The following LINGO2 variants were observed in gnomAD, a reference collection of about 807,000 sequenced individuals.
The protein encoded by LINGO2 is leucine-rich repeat and immunoglobulin-like domain-containing nogo receptor-interacting protein 2.
In LINGO2, 14 loss-of-function variants were observed where a neutral mutation model predicts 30.6. That is an observed-to-expected ratio of 0.46 (90% CI 0.30 to 0.72). LINGO2 has a LOEUF of 0.72. Ranked by LOEUF, LINGO2 falls within the 30% of genes least tolerant of loss-of-function variation. The probability of loss-of-function intolerance (pLI) is 0.07; values close to 1 mark genes in which losing one functional copy is unlikely to be tolerated. For missense variants in LINGO2, 729 were observed against 751.7 expected (o/e 0.97, Z 0.35); for synonymous variants, 317 against 288.5 (o/e 1.10, Z -1.00).
At chr9:29,082,247 A>G in the LINGO2 span, among the ~76,000 whole-genome samples, 1 of 152,192 alleles carries the variant, frequency 6.6e-6, no homozygotes, top group South Asian at 2.1e-4. Context: ...GACCAATGGA[A>G]CAGAACAGAG....
the LINGO2 span, among the ~76,000 whole-genome samples, chr9:29,051,029 C>T: frequency 4.6e-5 from 7 of 151,962 alleles, no homozygotes; most frequent in African/African-American, 1.2e-4. Context: ...TTTATGTTCC[C>T]GGCAAAATTG....
chr9:28,660,424 A>G lies in LINGO2; in HGVS notation c.-365+9776T>C, dbSNP rs143237928. Among the ~76,000 whole-genome samples, 110 of 152,262 alleles carry G rather than the reference A, an allele frequency of 7.2e-4. 1 individual carries two copies. The East Asian group carries it at 0.018, about 24-fold the overall frequency. On this transcript the variant is annotated intron_variant, in intron 1 of 5. Transcript: ENST00000379992. ...ATGGTAGCATTTGTAATAAATGTAA[A>G]TAGACTAATTACCTCAGCTAAAATA...
chr9:28,301,118 C>T lies in LINGO2; in HGVS notation c.-245-5752G>A, dbSNP rs547613429. Among the ~76,000 whole-genome samples the T allele has an allele frequency of 4.6e-5, 7 of 152,254 alleles. No individual in the cohort carries two copies. The South Asian group carries it at 1.5e-3, about 32-fold the overall frequency. On this transcript the variant is annotated intron_variant, in intron 3 of 5. Transcript: ENST00000379992. ...TCTCTTAAATGTAAATATAGTGTGG[C>T]TGACTTTGACAAGGAGCCAGAGAGC... is the stretch of plus-strand genomic sequence containing the variant.
chr9:29,180,375 A>C, the LINGO2 span, among the ~76,000 whole-genome samples: 1 of 152,218 alleles, frequency 6.6e-6, no homozygotes, highest in African/African-American at 2.4e-5. Context: ...CGAGGCAAAT[A>C]TATTTTCAAG....
chr9:28,529,250 T>G (rs767933063), intron 1 of LINGO2, among the ~76,000 whole-genome samples: 3 of 152,154 alleles, frequency 2.0e-5, no homozygotes, highest in Non-Finnish European at 4.4e-5. Flanking sequence ...TGTATTAACA[T>G]TTATTTATCT....
chr9:28,443,089 C>T (rs1587682399), intron 2 of LINGO2, among the ~76,000 whole-genome samples: 1 of 152,016 alleles, frequency 6.6e-6, no homozygotes, highest in South Asian at 2.1e-4. Context: ...ATGGCATGTG[C>T]ATGAGTAGAA....
chr9:28,638,512 A>C (rs541154885), intron 1 of LINGO2, among the ~76,000 whole-genome samples: 1 of 152,154 alleles, frequency 6.6e-6, no homozygotes, highest in African/African-American at 2.4e-5. Context: ...TTATTGGTCT[A>C]TTCAGAGATT....
the LINGO2 span, among the ~76,000 whole-genome samples, chr9:29,031,866 T>A: frequency 3.3e-5 from 5 of 152,164 alleles, no homozygotes; most frequent in Non-Finnish European, 7.4e-5. Flanking sequence ...GTGAGATATA[T>A]TTTAATCATT....
chr9:28,036,498 G>A (rs1022225388), intron 4 of LINGO2, among the ~76,000 whole-genome samples: 1 of 152,102 alleles, frequency 6.6e-6, no homozygotes, highest in Admixed American at 6.5e-5. Context: ...TATGACTGAG[G>A]GTATTTATCT....
the LINGO2 span, among the ~76,000 whole-genome samples, chr9:28,946,083 T>A: frequency 1.3e-5 from 2 of 152,174 alleles, no homozygotes; most frequent in Non-Finnish European, 2.9e-5. Flanking sequence ...ATATGAAAGA[T>A]CACCAGTAAT....
the LINGO2 span, among the ~76,000 whole-genome samples, chr9:28,988,460 G>C: frequency 6.6e-6 from 1 of 151,962 alleles, no homozygotes; most frequent in Non-Finnish European, 1.5e-5. Context: ...GCATATAGTG[G>C]AGTCTTTAAA....
chr9:28,872,517 T>C, the LINGO2 span, among the ~76,000 whole-genome samples: 1 of 152,140 alleles, frequency 6.6e-6, no homozygotes, highest in Non-Finnish European at 1.5e-5. Context: ...CTTGACAGTG[T>C]TCACTCTGTT....
At chr9:28,027,935 G>A (rs903110067) in intron 4 of LINGO2, among the ~76,000 whole-genome samples, 2 of 151,998 alleles carry the variant, frequency 1.3e-5, no homozygotes, top group African/African-American at 4.8e-5. Flanking sequence ...ATATAGGAGT[G>A]GTGGGCCATA....
intron 1 of LINGO2, among the ~76,000 whole-genome samples, chr9:28,588,639 G>A (rs986683886): frequency 6.9e-6 from 1 of 145,602 alleles, no homozygotes; most frequent in African/African-American, 2.6e-5. Flanking sequence ...GACGGTGTGG[G>A]CATGGAGAAT....
rs575101754 is a variant in LINGO2, at chr9:28,258,494, T to C, written c.-87+36714A>G. 7.2e-5 allele frequency among the ~76,000 whole-genome samples: 11 copies of C among 152,048 alleles called. No individual in the cohort carries two copies. The South Asian group carries it at 2.1e-3, about 29-fold the overall frequency. ...AAAAACTTTTCTGGACCCTGAATTA[T>C]TGAAAACACACACACACCCCACAAG... On this transcript the variant is annotated intron_variant, in intron 4 of 5. Transcript: ENST00000379992.
At chr9:27,978,108 T>A (rs1820689973) in intron 5 of LINGO2, among the ~76,000 whole-genome samples, 1 of 152,056 alleles carries the variant, frequency 6.6e-6, no homozygotes, top group Non-Finnish European at 1.5e-5. Context: ...GGGTTCTTTG[T>A]CCTTTACAGC....
intron 3 of LINGO2, among the ~76,000 whole-genome samples, chr9:28,328,146 G>C (rs922741813): frequency 2.6e-5 from 4 of 152,132 alleles, no homozygotes; most frequent in African/African-American, 9.7e-5. Context: ...AAATCACTAG[G>C]AAAAGACCCT....
intron 1 of LINGO2, among the ~76,000 whole-genome samples, chr9:28,620,482 A>G (rs775514037): frequency 2.6e-5 from 4 of 152,122 alleles, no homozygotes; most frequent in Non-Finnish European, 5.9e-5. Flanking sequence ...ACAGGAATTT[A>G]TATTGAAAAT....
At chr9:28,300,135 A>G (rs1824083245) in intron 3 of LINGO2, among the ~76,000 whole-genome samples, 1 of 152,022 alleles carries the variant, frequency 6.6e-6, no homozygotes. Context: ...GGAAAAAAAA[A>G]AAAAAAAACA....
Sources: gnomAD v4.1 joint callset for allele counts (sites outside exome capture counted in the v4.1 genomes callset) on GRCh38, gnomAD v4.1.1 for gene constraint, MANE v1.5 for transcripts, NCBI Gene and HGNC (gene_info 2026-07-23, HGNC 2026-07-21) for gene names.